LYST: variants seen among roughly 807,000 people sequenced by gnomAD.
The protein encoded by LYST is lysosomal trafficking regulator.
LYST carries 192 observed loss-of-function variants against 413.6 expected under a neutral mutation model. The ratio of observed to expected loss-of-function variants is 0.46; its 90% CI spans 0.41 to 0.52. The LOEUF is 0.52. Ranked by LOEUF, LYST falls within the 20% of genes least tolerant of loss-of-function variation. The pLI, the probability that LYST is intolerant of heterozygous loss-of-function variation, is 0.00. For synonymous variants in LYST, 1,525 were observed against 1,567.3 expected, an observed-to-expected ratio of 0.97 and a Z score of 0.64; for missense variants, 3,815 against 4,499.9, an observed-to-expected ratio of 0.85 and a Z score of 4.35.
chr1:235,707,150 C>G (rs762991459), intron 44 of LYST, among the ~76,000 whole-genome samples: 16 of 152,214 alleles, frequency 1.1e-4, no homozygotes, highest in Non-Finnish European at 2.2e-4. Flanking sequence ...TTGGACTCTA[C>G]TACTACATCC....
At chr1:235,829,376 T>C (rs1054266522) in intron 3 of LYST, 3 of 152,194 alleles carry the variant, frequency 2.0e-5, no homozygotes, top group African/African-American at 7.2e-5. Context: ...GCAAAGAAAT[T>C]TTATTTAATG....
chr1:235,805,700 G>T (rs754314844), intron 6 of LYST, 43 bp downstream of exon 6: 40 of 1,098,380 alleles, frequency 3.6e-5, no homozygotes, highest in Non-Finnish European at 5.3e-5. Flanking sequence ...GTATATATAT[G>T]TATATATATT....
intron 31 of LYST, among the ~76,000 whole-genome samples, chr1:235,739,691 T>C (rs1468978140): frequency 6.6e-6 from 1 of 151,794 alleles, no homozygotes; most frequent in Non-Finnish European, 1.5e-5. Flanking sequence ...TCAGAGCTTA[T>C]AGATGCTGAT....
intron 21 of LYST, 45 bp from the exon 22 acceptor site, chr1:235,762,896 A>T (rs1179494984): frequency 6.9e-7 from 1 of 1,453,218 alleles, no homozygotes; most frequent in Admixed American, 1.7e-5. Context: ...TTTAAAAAGG[A>T]TAAAACGAAA....
At chr1:235,819,252 TC>T (rs1346689454) in intron 3 of LYST, among the ~76,000 whole-genome samples, 1 of 152,200 alleles carries the variant, frequency 6.6e-6, no homozygotes, top group Non-Finnish European at 1.5e-5. Flanking sequence ...TTCTCTTCAA[TC>T]CTCTGGGTGC....
chr1:235,768,626 A>AT (rs1668362693), intron 20 of LYST, among the ~76,000 whole-genome samples: 5 of 151,990 alleles, frequency 3.3e-5, no homozygotes, highest in Admixed American at 1.3e-4. Flanking sequence ...TTGTACCTAG[A>AT]TTTTTTCTAG....
At position 235,766,146 on chromosome 1, in the gene LYST, T is replaced by C. The variant is rs1389267055; in HGVS notation, c.6054A>G (p.Ala2018=). The C allele has an allele frequency of 6.2e-7, 1 of 1,613,562 alleles. No individual in the cohort carries two copies. The highest frequency in any genetic ancestry group is 1.1e-5 in the South Asian group (1 of 91,080). The change falls in exon 21 of 53, where the codon GCA becomes GCG. Residue 2018 remains alanine (A), a synonymous_variant. Coordinates refer to ENST00000389793, the MANE Select transcript of LYST (RefSeq NM_000081.4). ...CGTAAGTATTAGTAGGAGGGTGAAC[T>C]GCTAAAAGGAAATTGAAGATAATTG... ...LLTIIFNFLL[A]VHPPTNTYVC...
At chr1:235,696,946 C>T (rs1372553272) in intron 46 of LYST, 137 bp downstream of exon 46, 6 of 763,024 alleles carry the variant, frequency 7.9e-6, no homozygotes, top group East Asian at 2.7e-5. Context: ...GTTTTCATTC[C>T]TACTTTGCAC....
intron 3 of LYST, among the ~76,000 whole-genome samples, chr1:235,818,575 T>C (rs1326431231): frequency 6.6e-6 from 1 of 152,122 alleles, no homozygotes; most frequent in African/African-American, 2.4e-5. Flanking sequence ...TTTCCATGTA[T>C]AGCTCATACT....
At chr1:235,715,408 C>T (rs765565075) in intron 41 of LYST, 51 bp from the exon 42 acceptor site, 27 of 1,579,376 alleles carry the variant, frequency 1.7e-5, no homozygotes, top group East Asian at 4.5e-5. Context: ...CTCCAGGCAA[C>T]GCTAGAAAAG....
rs1658025292 is a variant in LYST at position 235,661,201 on chromosome 1, A to T, written c.*1739T>A. 1 of 152,604 alleles carries T rather than the reference A, an allele frequency of 6.6e-6. No individual in the cohort carries two copies. The highest frequency in any genetic ancestry group is 1.5e-5 in the Non-Finnish European group (1 of 68,032). 9.5% of individuals were successfully genotyped at this position (152,604 alleles called of 1,614,324 possible). ...GCTGAATAAATAATCCCCCCAAATT[A>T]ATTTTTATTTTTACATAAAAATATA... On this transcript the variant is annotated 3_prime_UTR_variant, in exon 53 of 53. Transcript: ENST00000389793.
chr1:235,861,289 A>C (rs553228841), intron 1 of LYST, among the ~76,000 whole-genome samples: 6 of 152,224 alleles, frequency 3.9e-5, no homozygotes, highest in Non-Finnish European at 5.9e-5. Flanking sequence ...TGATTAAGAT[A>C]ATCAATTTTA....
chr1:235,685,964 A>G (rs1422952901), intron 48 of LYST, among the ~76,000 whole-genome samples: 1 of 152,230 alleles, frequency 6.6e-6, no homozygotes, highest in African/African-American at 2.4e-5. Flanking sequence ...AAAGAAAATT[A>G]TAATGGAAAA....
intron 22 of LYST, among the ~76,000 whole-genome samples, chr1:235,760,073 T>C (rs1341687034): frequency 1.3e-5 from 2 of 152,222 alleles, no homozygotes; most frequent in Non-Finnish European, 2.9e-5. Context: ...TGTGCTGAAT[T>C]TAAGTGAATT....
intron 3 of LYST, chr1:235,829,907 A>G (rs1182701711): frequency 5.3e-6 from 1 of 190,120 alleles, no homozygotes; most frequent in Admixed American, 5.8e-5. Flanking sequence ...TTTCTGACAT[A>G]AGATACAGGG....
intron 20 of LYST, 119 bp downstream of exon 20, chr1:235,770,041 G>C (rs1240537063): frequency 2.3e-6 from 2 of 856,120 alleles, no homozygotes; most frequent in African/African-American, 3.6e-5. Flanking sequence ...AATCTGGAGA[G>C]AAGATGGAAA....
chr1:235,830,323 T>C lies in LYST; in HGVS notation c.95A>G (p.Glu32Gly), dbSNP rs1675822145. ...AVVQRVEARE[E>G]EEEETHMATL... is the part of the protein sequence containing the mutation. ...TGCCATGTGCGTCTCCTCCTCTTCT[T>C]CCTCCCTGGCCTCCACCCTCTGGAC... The change falls in exon 3 of 53, where the codon GAA becomes GGA. Residue 32 changes from glutamate to glycine, a missense_variant. Transcript: ENST00000389793. The C allele has an allele frequency of 1.9e-6, 3 of 1,613,940 alleles. No homozygotes were observed. The highest frequency in any genetic ancestry group is 2.5e-6 in the Non-Finnish European group (3 of 1,179,892).
intron 1 of LYST, among the ~76,000 whole-genome samples, chr1:235,853,891 C>A (rs1678851121): frequency 6.6e-6 from 1 of 152,060 alleles, no homozygotes; most frequent in Non-Finnish European, 1.5e-5. Flanking sequence ...AATTCGGCAA[C>A]CAGATATCTC....
intron 10 of LYST, among the ~76,000 whole-genome samples, chr1:235,796,130 A>T (rs1452337946): frequency 6.6e-6 from 1 of 152,138 alleles, no homozygotes; most frequent in Non-Finnish European, 1.5e-5. Context: ...GGCTCAAGAT[A>T]ACAATTAGAA....
Sources: gnomAD v4.1 joint callset for allele counts (sites outside exome capture counted in the v4.1 genomes callset) on GRCh38, gnomAD v4.1.1 for gene constraint, MANE v1.5 for transcripts, NCBI Gene and HGNC (gene_info 2026-07-23, HGNC 2026-07-21) for gene names.